The following SFI1 variants were observed in gnomAD, a reference collection of about 807,000 sequenced individuals.
SFI1 encodes SFI1 centrin binding protein.
In SFI1, 195 loss-of-function variants were observed where a neutral mutation model predicts 207.5. The observed-to-expected ratio is 0.94, with a 90% CI of 0.84 to 1.06. The LOEUF is 1.06. SFI1 is among the 50% of genes least tolerant of loss of function. The pLI is 0.00. For missense variants in SFI1, 1,634 were observed against 1,588.0 expected (o/e 1.03, Z -0.49); for synonymous variants, 630 against 598.9 (o/e 1.05, Z -0.76).
intron 2 of SFI1, among the ~76,000 whole-genome samples, chr22:31,519,917 G>A (rs1367102231): frequency 6.6e-6 from 1 of 151,406 alleles, no homozygotes; most frequent in African/African-American, 2.4e-5. Context: ...TTGAGACTGG[G>A]TTATGACACT....
intron 15 of SFI1, among the ~76,000 whole-genome samples, chr22:31,598,034 G>C (rs1392116205): frequency 6.6e-6 from 1 of 151,476 alleles, no homozygotes; most frequent in South Asian, 2.1e-4. Context: ...CTGGAGTGCA[G>C]TGGCGTGATC....
At chr22:31,554,200 G>A (rs749831592) in intron 6 of SFI1, among the ~76,000 whole-genome samples, 22 of 151,952 alleles carry the variant, frequency 1.4e-4, no homozygotes, top group Non-Finnish European at 2.6e-4. Flanking sequence ...TTAACCCAGG[G>A]TCACAAAGAT....
At chr22:31,575,810 C>G (rs2063419443) in intron 10 of SFI1, among the ~76,000 whole-genome samples, 1 of 152,138 alleles carries the variant, frequency 6.6e-6, no homozygotes, top group Non-Finnish European at 1.5e-5. Flanking sequence ...GATACCATCA[C>G]CGTGATCATA....
chr22:31,530,542 C>T, intron 3 of SFI1: 1 of 411,614 alleles, frequency 2.4e-6, no homozygotes, highest in Non-Finnish European at 4.9e-6. Context: ...GTATACCAGA[C>T]ACTGTGCTAG....
chr22:31,537,153 C>A (rs1428896436), intron 4 of SFI1, among the ~76,000 whole-genome samples: 1 of 152,116 alleles, frequency 6.6e-6, no homozygotes, highest in Non-Finnish European at 1.5e-5. Context: ...AGTTCAACAT[C>A]CTTAGCACAT....
chr22:31,497,450 C>T (rs1417588141), intron 1 of SFI1: 3 of 152,140 alleles, frequency 2.0e-5, no homozygotes, highest in African/African-American at 7.2e-5. Flanking sequence ...TTTAGGTGGC[C>T]ACGAACCTCA....
At chr22:31,567,571 G>T (rs130089) in intron 8 of SFI1, among the ~76,000 whole-genome samples, 8,380 of 151,910 alleles carry the variant, frequency 0.055, 242 homozygotes, top group African/African-American at 0.087. Flanking sequence ...TTTGTGGAGG[G>T]GGGGGGTGTG....
intron 15 of SFI1, among the ~76,000 whole-genome samples, chr22:31,595,961 G>C (rs1251751244): frequency 2.0e-5 from 3 of 152,080 alleles, no homozygotes; most frequent in African/African-American, 7.2e-5. Flanking sequence ...CTTTAATCTG[G>C]AGGATTTCAG....
chr22:31,553,032 A>G (rs947206953), intron 6 of SFI1, among the ~76,000 whole-genome samples: 1 of 151,932 alleles, frequency 6.6e-6, no homozygotes, highest in African/African-American at 2.4e-5. Context: ...TTATGGAGAC[A>G]GGGTCTGGCT....
At chr22:31,521,589 C>T (rs112415829) in intron 2 of SFI1, 4,320 of 152,190 alleles carry the variant, frequency 0.028, 100 homozygotes, top group South Asian at 0.079. Context: ...CTTAACGCCA[C>T]CCTTGCAAAT....
intron 10 of SFI1, 81 bp from the exon 11 acceptor site, chr22:31,578,301 G>C (rs62237792): frequency 0.011 from 14,927 of 1,359,224 alleles, 116 homozygotes; most frequent in Non-Finnish European, 0.013. Flanking sequence ...GATAGCCACG[G>C]CCCTTCAAGG....
intron 8 of SFI1, among the ~76,000 whole-genome samples, chr22:31,569,400 C>T (rs1407774094): frequency 6.6e-6 from 1 of 152,274 alleles, no homozygotes. Context: ...TTGAACATGA[C>T]TCCAAGCCTA....
At chr22:31,614,120 T>G in intron 27 of SFI1, 1 of 486,002 alleles carries the variant, frequency 2.1e-6, no homozygotes, top group Non-Finnish European at 3.7e-6. Flanking sequence ...AACACCTTCC[T>G]ACCCTCTCTC....
intron 15 of SFI1, among the ~76,000 whole-genome samples, chr22:31,593,183 C>T (rs927792377): frequency 5.9e-5 from 9 of 151,286 alleles, no homozygotes; most frequent in African/African-American, 2.2e-4. Flanking sequence ...GGCGGAGACG[C>T]TCCTCACCTC....
intron 14 of SFI1, among the ~76,000 whole-genome samples, chr22:31,586,531 G>A (rs575195516): frequency 1.4e-4 from 21 of 152,118 alleles, no homozygotes; most frequent in African/African-American, 5.1e-4. Context: ...CTCTTTTTGC[G>A]TCACTCTTGC....
chr22:31,602,547 G>A, intron 16 of SFI1, 60 bp from the exon 17 acceptor site: 1 of 1,578,868 alleles, frequency 6.3e-7, no homozygotes, highest in Non-Finnish European at 8.7e-7. Flanking sequence ...ATTCTTTCCT[G>A]GCTTCTGTGC....
intron 8 of SFI1, among the ~76,000 whole-genome samples, chr22:31,563,271 G>T (rs1379348777): frequency 6.6e-6 from 1 of 152,030 alleles, no homozygotes; most frequent in Non-Finnish European, 1.5e-5. Flanking sequence ...GGGATTACAG[G>T]CGTGAACCAC....
chr22:31,501,748 C>T (rs2053811783), intron 1 of SFI1, among the ~76,000 whole-genome samples: 2 of 152,136 alleles, frequency 1.3e-5, no homozygotes, highest in South Asian at 2.1e-4. Flanking sequence ...ATAGTCTATA[C>T]ATTTTTGATT....
intron 27 of SFI1, chr22:31,614,387 G>A (rs2070978503): frequency 7.8e-6 from 3 of 384,748 alleles, no homozygotes; most frequent in Non-Finnish European, 1.5e-5. Flanking sequence ...AGCACTACCC[G>A]AGAGCCTTGG....
Sources: gnomAD v4.1 joint callset for allele counts (sites outside exome capture counted in the v4.1 genomes callset) on GRCh38, gnomAD v4.1.1 for gene constraint, MANE v1.5 for transcripts, NCBI Gene and HGNC (gene_info 2026-07-23, HGNC 2026-07-21) for gene names.